The following EML5 variants were observed in gnomAD, a reference collection of about 807,000 sequenced individuals.
EML5 encodes the protein EMAP like 5.
In EML5, 120 loss-of-function variants were observed where a neutral mutation model predicts 250.0. The observed-to-expected ratio is 0.48, with a 90% CI of 0.41 to 0.56. EML5 has a LOEUF of 0.56. EML5 is among the 20% of genes least tolerant of loss of function. The pLI, the probability that EML5 is intolerant of heterozygous loss-of-function variation, is 0.00. For synonymous variants in EML5, 771 were observed against 806.5 expected, an observed-to-expected ratio of 0.96 and a Z score of 0.75; for missense variants, 2,006 against 2,437.6, an observed-to-expected ratio of 0.82 and a Z score of 3.73.
At chr14:88,745,457 G>A (rs545450020) in intron 3 of EML5, among the ~76,000 whole-genome samples, 20 of 152,110 alleles carry the variant, frequency 1.3e-4, no homozygotes, top group African/African-American at 4.6e-4. Context: ...ATGATGTATT[G>A]TTTATATACA....
chr14:88,724,772 CTATT>C (rs1284381854), intron 8 of EML5, among the ~76,000 whole-genome samples: 1 of 152,116 alleles, frequency 6.6e-6, no homozygotes, highest in African/African-American at 2.4e-5. Flanking sequence ...CCAGGTGTTT[CTATT>C]TATTATTTCT....
At chr14:88,735,734 G>T (rs573865151) in intron 7 of EML5, among the ~76,000 whole-genome samples, 1 of 152,168 alleles carries the variant, frequency 6.6e-6, no homozygotes, top group East Asian at 1.9e-4. Context: ...TGCAAGCCCT[G>T]TATTTCTAAA....
At position 88,726,634 on chromosome 14, in the gene EML5, A is replaced by G; in HGVS notation, c.1094T>C (p.Met365Thr). Residue 365 changes from methionine (M) to threonine (T), a missense_variant, in exon 8 of 44, where the codon ATG becomes ACG. This residue lies in a region of EML5 where 1,375 missense variants were observed against 1,590.3 expected (regional missense o/e 0.86). Transcript: ENST00000554922. ...VDHALIARCN[M>T]EEPIRCAAVN... ...AGCTGCACAACGAATTGGTTCTTCC[A>G]TATTACACCTTGCTATTAATGCATG... 1.3e-6 allele frequency: 2 copies of G among 1,570,100 alleles called. No homozygotes were observed. The highest frequency in any genetic ancestry group is 2.3e-5 in the South Asian group (2 of 85,410).
Position 88,714,965 on chromosome 14 carries a change from C to G in EML5, c.1418G>C (p.Gly473Ala). The G allele has an allele frequency of 6.2e-7, 1 of 1,612,330 alleles. No individual in the cohort carries two copies. The highest frequency in any genetic ancestry group is 8.5e-7 in the Non-Finnish European group (1 of 1,179,232). Reference protein sequence around the residue: ...SRYLQTNDGNGKRLFYRMPGG... With the variant: ...SRYLQTNDGNAKRLFYRMPGG... ...TGGCATTCTATAAAAAAGTCTTTTC[C>G]CATTTCCATCATTTGTCTGCAAATA... Residue 473 changes from glycine to alanine, a missense_variant, in exon 9 of 44, where the codon GGG becomes GCG. Coordinates refer to ENST00000554922, the MANE Select transcript of EML5 (RefSeq NM_183387.3).
chr14:88,688,549 A>T, intron 17 of EML5, 76 bp from the exon 18 acceptor site: 1 of 1,468,352 alleles, frequency 6.8e-7, no homozygotes, highest in Admixed American at 1.8e-5. Context: ...TTTCTTTTCT[A>T]CTGTTGTTGT....
intron 27 of EML5, among the ~76,000 whole-genome samples, chr14:88,653,205 T>C (rs994122776): frequency 3.9e-5 from 6 of 152,198 alleles, no homozygotes; most frequent in African/African-American, 1.2e-4. Flanking sequence ...GCTGAGACAA[T>C]AGAGTTTTCT....
At chr14:88,719,416 T>C (rs1054057978) in intron 8 of EML5, among the ~76,000 whole-genome samples, 1 of 152,160 alleles carries the variant, frequency 6.6e-6, no homozygotes, top group African/African-American at 2.4e-5. Context: ...ATTTTATGTA[T>C]TTACAACTAT....
At chr14:88,650,636 T>C (rs1379662034) in intron 27 of EML5, among the ~76,000 whole-genome samples, 3 of 152,202 alleles carry the variant, frequency 2.0e-5, no homozygotes, top group African/African-American at 7.2e-5. Flanking sequence ...TTAATTTTTT[T>C]TTCATTTATT....
intron 17 of EML5, among the ~76,000 whole-genome samples, chr14:88,690,221 G>T (rs895858331): frequency 6.6e-6 from 1 of 152,218 alleles, no homozygotes; most frequent in Non-Finnish European, 1.5e-5. Context: ...GCAGGCCATT[G>T]TAAGGACGGC....
chr14:88,700,023 T>C lies in EML5; in HGVS notation c.2238+2423A>G, dbSNP rs571170526. The stretch of plus-strand genomic sequence containing the variant: ...AGAATAATTTGTCCAATTCTTATAC[T>C]ACATTGTGAGCTCCCGATAGTGGCA... On this transcript the variant is annotated intron_variant, in intron 14 of 43. Coordinates refer to ENST00000554922, the MANE Select transcript of EML5 (RefSeq NM_183387.3). Among the ~76,000 whole-genome samples the C allele has an allele frequency of 2.0e-5, 3 of 152,280 alleles. No individual in the cohort carries two copies. In the East Asian group the frequency reaches 5.8e-4, roughly 29 times the overall value.
chr14:88,737,296 T>C (rs530205242), intron 6 of EML5, among the ~76,000 whole-genome samples: 1 of 152,338 alleles, frequency 6.6e-6, no homozygotes, highest in East Asian at 1.9e-4. Flanking sequence ...TCAGGGCCGC[T>C]AGAGTCCCCA....
At chr14:88,782,052 CG>C (rs2094502611) in intron 1 of EML5, among the ~76,000 whole-genome samples, 1 of 152,054 alleles carries the variant, frequency 6.6e-6, no homozygotes, top group Non-Finnish European at 1.5e-5. Flanking sequence ...TGGAGGGCTC[CG>C]AAGACAGGAA....
At position 88,792,298 on chromosome 14, in the gene EML5, C is replaced by T. The variant is rs1303023037; in HGVS notation, c.197+9G>A. On this transcript the variant is annotated intron_variant, in intron 1 of 43. Coordinates refer to ENST00000554922, the MANE Select transcript of EML5 (RefSeq NM_183387.3). This position sits in a 1 kb window ranked among gnomAD's most constrained non-coding sequence, Gnocchi z 6.9. ...CAGGGTGACGGCGGCGGCCCCCGCT[C>T]CCCGGTACCTGATGATGTCGTCGCT... The T allele has an allele frequency of 1.0e-5, 16 of 1,549,422 alleles. No homozygotes were observed. Among genetic ancestry groups the T allele is most frequent in the African/African-American group, 1.4e-5 (1 of 73,088 alleles).
At chr14:88,640,405 A>G (rs1005510445) in intron 31 of EML5, among the ~76,000 whole-genome samples, 19 of 152,170 alleles carry the variant, frequency 1.2e-4, no homozygotes, top group African/African-American at 4.3e-4. Context: ...GAGCTCCCAA[A>G]ACCACACAAT....
rs756021776 is a variant in EML5, at chr14:88,736,527, T to C, written c.886A>G (p.Ile296Val). The C allele has an allele frequency of 6.2e-7, 1 of 1,613,976 alleles. No individual in the cohort carries two copies. The highest frequency in any genetic ancestry group is 8.5e-7 in the Non-Finnish European group (1 of 1,179,898). Residue 296 changes from isoleucine to valine, a missense_variant, in exon 7 of 44, where the codon ATT becomes GTT. By Grantham distance (29) the Ile-to-Val change is conservative (BLOSUM62 3). This residue lies in a region of EML5 where 1,375 missense variants were observed against 1,590.3 expected (regional missense o/e 0.86). Transcript: ENST00000554922. ...TCACTGTCCTGTGTTCCAACTAGAA[T>C]GTGGTCACCTCGCCAACACACACTC... ...VRSVCWRGDH[I>V]LVGTQDSEIF...
chr14:88,760,225 T>C (rs2094219037), intron 1 of EML5, among the ~76,000 whole-genome samples: 1 of 152,178 alleles, frequency 6.6e-6, no homozygotes, highest in African/African-American at 2.4e-5. Flanking sequence ...TGCTTTTGCT[T>C]AACCAAAGGT....
chr14:88,650,795 C>T (rs2091583361), intron 27 of EML5, among the ~76,000 whole-genome samples: 1 of 152,024 alleles, frequency 6.6e-6, no homozygotes, highest in Non-Finnish European at 1.5e-5. Context: ...GCATGTACTA[C>T]CATTCTTGGC....
At chr14:88,617,993 T>G in intron 41 of EML5, 1 of 277,594 alleles carries the variant, frequency 3.6e-6, no homozygotes, top group Non-Finnish European at 6.0e-6. Context: ...ATCTTTAAAG[T>G]TAAAACTTTG....
intron 30 of EML5, among the ~76,000 whole-genome samples, chr14:88,643,643 C>T (rs2091192719): frequency 6.6e-6 from 1 of 152,140 alleles, no homozygotes; most frequent in Non-Finnish European, 1.5e-5. Flanking sequence ...ATTTTATGTT[C>T]ATTGTTAATC....
Sources: gnomAD v4.1 joint callset for allele counts (sites outside exome capture counted in the v4.1 genomes callset) on GRCh38, gnomAD v4.1.1 for gene constraint, gnomAD v4.1.1 regional missense constraint, Gnocchi (gnomAD v3.1) non-coding constraint, MANE v1.5 for transcripts, NCBI Gene and HGNC (gene_info 2026-07-23, HGNC 2026-07-21) for gene names.